Variants in EFCC1 observed in about 807,000 individuals in gnomAD.
EFCC1 encodes the protein EF-hand and coiled-coil domain containing 1, also known as EF-hand and coiled-coil domain-containing protein 1.
A neutral mutation model predicts 52.1 loss-of-function variants in EFCC1; 50 were observed. That is an observed-to-expected ratio of 0.96 (90% CI 0.76 to 1.21). The LOEUF is 1.21. Among genes scored for constraint, EFCC1 ranks in the 50% most tolerant of loss-of-function variants. The probability of loss-of-function intolerance (pLI) is 0.00; values close to 1 mark genes in which losing one functional copy is unlikely to be tolerated. For synonymous variants in EFCC1, 399 were observed against 396.5 expected (o/e 1.01, Z -0.08); for missense variants, 837 against 867.3 (o/e 0.97, Z 0.44).
At chr3:129,027,454 C>T (rs1349749285) in intron 2 of EFCC1, among the ~76,000 whole-genome samples, 1 of 152,188 alleles carries the variant, frequency 6.6e-6, no homozygotes, top group African/African-American at 2.4e-5. Context: ...TGCCCAGACT[C>T]TCCGCGGGGG....
At chr3:129,012,154 T>G (rs1945356480) in intron 2 of EFCC1, among the ~76,000 whole-genome samples, 1 of 152,232 alleles carries the variant, frequency 6.6e-6, no homozygotes, top group Admixed American at 6.5e-5. Context: ...CACATTTTCT[T>G]TGGTGTCTTG....
chr3:129,028,147 C>T (rs1432655911), intron 2 of EFCC1, among the ~76,000 whole-genome samples: 3 of 149,508 alleles, frequency 2.0e-5, no homozygotes, highest in Admixed American at 1.3e-4. Context: ...TACAGTGGTG[C>T]GATCTAGGTT....
intron 2 of EFCC1, among the ~76,000 whole-genome samples, chr3:129,004,888 G>C (rs117386747): frequency 1.3e-5 from 2 of 152,142 alleles, no homozygotes; most frequent in African/African-American, 2.4e-5. Flanking sequence ...TTTGGCAGAC[G>C]TGTGAGTGTG....
intron 2 of EFCC1, among the ~76,000 whole-genome samples, chr3:129,029,911 G>A (rs1338983328): frequency 2.0e-5 from 3 of 151,692 alleles, no homozygotes; most frequent in Non-Finnish European, 4.4e-5. Context: ...TAGGCTAGGT[G>A]CAGTGGCTCA....
chr3:129,020,487 A>G (rs1226979783), intron 2 of EFCC1, among the ~76,000 whole-genome samples: 1 of 152,244 alleles, frequency 6.6e-6, no homozygotes, highest in African/African-American at 2.4e-5. Flanking sequence ...AAATACAAAA[A>G]TTGGCTGAGC....
At chr3:129,003,397 G>A (rs2107851121) in intron 1 of EFCC1, 1 of 622,794 alleles carries the variant, frequency 1.6e-6, no homozygotes, top group Non-Finnish European at 2.0e-6. Context: ...CAGGCACGGG[G>A]AGGGCTGGAA....
intron 2 of EFCC1, among the ~76,000 whole-genome samples, chr3:129,013,075 C>T (rs1256106253): frequency 4.6e-5 from 7 of 152,148 alleles, no homozygotes; most frequent in Admixed American, 6.5e-5. Context: ...TAGCTCCAGA[C>T]GTGCCAGTGT....
intron 2 of EFCC1, among the ~76,000 whole-genome samples, chr3:129,023,560 C>A (rs1945961442): frequency 6.6e-6 from 1 of 152,166 alleles, no homozygotes; most frequent in African/African-American, 2.4e-5. Context: ...TCTCGACCTC[C>A]TGACCTCATG....
intron 2 of EFCC1, 43 bp from the exon 3 acceptor site, chr3:129,030,660 T>C (rs1466962859): frequency 6.5e-6 from 10 of 1,541,132 alleles, no homozygotes; most frequent in Admixed American, 2.0e-5. Flanking sequence ...GGAAGAGTCC[T>C]GTACTCTCCT....
At chr3:129,007,181 A>G (rs1945110395) in intron 2 of EFCC1, among the ~76,000 whole-genome samples, 1 of 152,218 alleles carries the variant, frequency 6.6e-6, no homozygotes. Context: ...CTCCTACCCC[A>G]GAAACATCGG....
chr3:129,020,626 C>T (rs1358884455), intron 2 of EFCC1, among the ~76,000 whole-genome samples: 1 of 152,090 alleles, frequency 6.6e-6, no homozygotes, highest in Non-Finnish European at 1.5e-5. Flanking sequence ...AACAGAGTAA[C>T]ACCCTGTCTC....
In EFCC1 at chr3:129,002,165, G is replaced by GCGCCGC. The variant is rs747038490; in HGVS notation, c.548_553dup (p.Arg183_Arg184dup). Reference sequence around the variant, plus strand: ...AGACGCAGATCCGCCTGCGCCGTCCGCGCCGCCGCCGCCGCCCGCCCTGCG... The same window carrying GCGCCGC: ...AGACGCAGATCCGCCTGCGCCGTCCGCGCCGCCGCCGCCGCCGCCGCCCGCCCTGCG... On this transcript the variant is annotated inframe_insertion, in exon 1 of 8. Transcript: ENST00000683648. 33 of 1,472,038 alleles carry GCGCCGC rather than the reference G, an allele frequency of 2.2e-5. No individual in the cohort carries two copies. Among genetic ancestry groups the GCGCCGC allele is most frequent in the Admixed American group, 2.7e-5 (1 of 37,634 alleles). 91.2% of individuals were successfully genotyped at this position (1,472,038 alleles called of 1,614,324 possible).
rs1944764482 is a variant in EFCC1 at position 129,001,701 on chromosome 3, C to T, written c.73C>T (p.Arg25Trp). The T allele has an allele frequency of 6.7e-7, 1 of 1,499,332 alleles. No homozygotes were observed. The highest frequency in any genetic ancestry group is 1.3e-5 in the South Asian group (1 of 79,370). The allele number at this position is 1,499,332 out of a possible 1,614,324, so 92.9% of individuals were successfully genotyped here. Residue 25 changes from arginine to tryptophan, a missense_variant, in exon 1 of 8, where the codon CGG (arginine) becomes TGG (tryptophan). Coordinates refer to ENST00000683648, the MANE Select transcript of EFCC1 (RefSeq NM_001377500.1). ...AGGDPYRRPA[R>W]RTQWLLSALA... is the part of the protein sequence containing the mutation. The stretch of plus-strand genomic sequence containing the variant: ...AGGTGACCCGTACCGGCGACCTGCG[C>T]GGCGCACGCAGTGGCTGCTGAGCGC...
chr3:129,026,338 A>G (rs1428412553), intron 2 of EFCC1, among the ~76,000 whole-genome samples: 1 of 151,932 alleles, frequency 6.6e-6, no homozygotes, highest in Non-Finnish European at 1.5e-5. Context: ...TGCTTGTTGA[A>G]ACCCTTAAAT....
intron 2 of EFCC1, among the ~76,000 whole-genome samples, chr3:129,021,589 C>G (rs1945846745): frequency 6.6e-6 from 1 of 151,888 alleles, no homozygotes; most frequent in African/African-American, 2.4e-5. Context: ...AACAAACAAA[C>G]AAACAAAAAA....
At chr3:129,036,864 C>T (rs924120379) in intron 5 of EFCC1, 113 bp from the exon 6 acceptor site, 18 of 1,525,450 alleles carry the variant, frequency 1.2e-5, no homozygotes, top group Admixed American at 6.1e-5. Context: ...AGGCCACACA[C>T]TCAGCTTCTC....
intron 2 of EFCC1, among the ~76,000 whole-genome samples, chr3:129,008,108 T>C (rs1214132673): frequency 6.6e-6 from 1 of 152,272 alleles, no homozygotes; most frequent in East Asian, 1.9e-4. Context: ...CACCAGGCCC[T>C]GATTCTAGAC....
Position 129,030,861 on chromosome 3 carries a change from G to A in EFCC1, c.1138+1G>A. ...TCTGGAAGCAGAGCCCTGGATGAAGGTTTGTCCCCTGTGCGCCCAGTCTTC... is the reference window on the plus strand; with the variant it reads ...TCTGGAAGCAGAGCCCTGGATGAAGATTTGTCCCCTGTGCGCCCAGTCTTC... On this transcript the variant is annotated splice_donor_variant, in intron 3 of 7. Coordinates refer to ENST00000683648, the MANE Select transcript of EFCC1 (RefSeq NM_001377500.1). LOFTEE classifies it high-confidence loss of function. The A allele has an allele frequency of 6.5e-7, 1 of 1,549,588 alleles. No individual in the cohort carries two copies. Among genetic ancestry groups the A allele is most frequent in the Non-Finnish European group, 8.7e-7 (1 of 1,145,784 alleles).
chr3:129,001,901 G>T lies in EFCC1; in HGVS notation c.273G>T (p.Glu91Asp). 1 of 1,538,336 alleles carries T rather than the reference G, an allele frequency of 6.5e-7. No individual in the cohort carries two copies. Among genetic ancestry groups the T allele is most frequent in the Non-Finnish European group, 8.8e-7 (1 of 1,141,182 alleles). The change falls in exon 1 of 8, where the codon GAG (glutamate) becomes GAT (aspartate). Residue 91 changes from glutamate to aspartate, a missense_variant. Coordinates refer to ENST00000683648, the MANE Select transcript of EFCC1 (RefSeq NM_001377500.1). ...ALCAVLGLRA[E>D]GATTAGQAAG... ...GCGCTGTGCTGGGGCTGCGCGCGGA[G>T]GGGGCCACCACGGCCGGGCAGGCAG...
Sources: gnomAD v4.1 joint callset for allele counts (sites outside exome capture counted in the v4.1 genomes callset) on GRCh38, gnomAD v4.1.1 for gene constraint, MANE v1.5 for transcripts, NCBI Gene and HGNC (gene_info 2026-07-23, HGNC 2026-07-21) for gene names.